Variants in UBXN2B observed in about 807,000 individuals in gnomAD.
The protein encoded by UBXN2B is UBX domain protein 2B, also known as UBX domain-containing protein 2B.
UBXN2B carries 19 observed loss-of-function variants against 37.5 expected under a neutral mutation model. That is an observed-to-expected ratio of 0.51 (90% confidence interval 0.35 to 0.74). The LOEUF is 0.74. UBXN2B is among the 30% of genes least tolerant of loss of function. The probability of loss-of-function intolerance (pLI) is 0.01; values close to 1 mark genes in which losing one functional copy is unlikely to be tolerated. For synonymous variants in UBXN2B, 145 were observed against 143.8 expected, an observed-to-expected ratio of 1.01 and a Z score of -0.06; for missense variants, 370 against 393.2, an observed-to-expected ratio of 0.94 and a Z score of 0.50.
intron 2 of UBXN2B, 111 bp downstream of exon 2, chr8:58,417,064 A>G: frequency 2.4e-6 from 2 of 842,266 alleles, no homozygotes; most frequent in Non-Finnish European, 3.4e-6. Flanking sequence ...ATAATTTTTA[A>G]AAATTATTAT....
chr8:58,439,221 A>C (rs1280363047), intron 5 of UBXN2B, among the ~76,000 whole-genome samples: 1 of 152,200 alleles, frequency 6.6e-6, no homozygotes, highest in Non-Finnish European at 1.5e-5. Context: ...ATAGCAATGC[A>C]AATGGACTAG....
At chr8:58,432,891 T>A (rs534898862) in intron 3 of UBXN2B, among the ~76,000 whole-genome samples, 3 of 151,768 alleles carry the variant, frequency 2.0e-5, no homozygotes, top group Admixed American at 2.0e-4. Flanking sequence ...AAACGTGTCT[T>A]TTTAAAAAAG....
At chr8:58,425,670 C>T in intron 2 of UBXN2B, 13 of 1,172,444 alleles carry the variant, frequency 1.1e-5, no homozygotes, top group Non-Finnish European at 1.7e-5. Context: ...AGCTAATTTG[C>T]TTAGTTCTCG....
chr8:58,425,018 C>A, intron 2 of UBXN2B: 2 of 782,608 alleles, frequency 2.6e-6, no homozygotes, highest in Non-Finnish European at 4.7e-6. Context: ...ACTGGCCTTG[C>A]ATGCATGATG....
chr8:58,438,807 TGGG>T (rs1424362051), intron 5 of UBXN2B, among the ~76,000 whole-genome samples: 1 of 152,106 alleles, frequency 6.6e-6, no homozygotes, highest in Non-Finnish European at 1.5e-5. Context: ...ACATGAGATT[TGGG>T]GGGCCAGTGG....
intron 3 of UBXN2B, among the ~76,000 whole-genome samples, chr8:58,432,376 T>A (rs1028400585): frequency 8.7e-5 from 2 of 23,002 alleles, no homozygotes; most frequent in East Asian, 3.2e-3. Context: ...TCTAAATTTC[T>A]TTTTTTTTTT....
chr8:58,430,760 T>C (rs1310089337), intron 3 of UBXN2B, 91 bp downstream of exon 3: 2 of 993,056 alleles, frequency 2.0e-6, no homozygotes, highest in Non-Finnish European at 2.7e-6. Context: ...TTTTTCTAAT[T>C]GTATATTTCT....
chr8:58,426,375 T>C (rs1808089402), intron 2 of UBXN2B: 2 of 490,894 alleles, frequency 4.1e-6, no homozygotes. Flanking sequence ...CCCGGCTAAT[T>C]TTTTTGTATT....
intron 2 of UBXN2B, among the ~76,000 whole-genome samples, chr8:58,423,334 A>AACCTGCTGACCATATGAGTGGCC (rs1807979108): frequency 1.3e-5 from 2 of 152,176 alleles, no homozygotes; most frequent in Non-Finnish European, 2.9e-5. Context: ...TCTCTCCGCC[A>AACCTGCTGACCATATGAGTGGCC]ACCTGCTGAC....
chr8:58,448,350 T>G lies in UBXN2B; in HGVS notation c.*799T>G, dbSNP rs914344454. 2.6e-5 allele frequency: 4 copies of G among 151,982 alleles called. No homozygotes were observed. Among genetic ancestry groups the G allele is most frequent in the Non-Finnish European group, 5.9e-5 (4 of 67,994 alleles). The allele number at this position is 151,982 out of a possible 1,614,324, so 9.4% of individuals were successfully genotyped here. A position where few individuals can be genotyped will look rare whatever the true frequency, so the allele number is the denominator to read the frequency against. On this transcript the variant is annotated 3_prime_UTR_variant, in exon 8 of 8. Transcript: ENST00000399598. ...CACCATGCCTGGCTAATTTTTGTAC[T>G]TTTGCTAGAGACAGCGTTTCTCTGT...
At chr8:58,421,691 A>T (rs934314251) in intron 2 of UBXN2B, among the ~76,000 whole-genome samples, 3 of 152,168 alleles carry the variant, frequency 2.0e-5, no homozygotes, top group Non-Finnish European at 4.4e-5. Context: ...AGCTTTCTCC[A>T]TCATCCCAGC....
At chr8:58,446,611 G>A (rs1808674400) in intron 7 of UBXN2B, among the ~76,000 whole-genome samples, 1 of 151,690 alleles carries the variant, frequency 6.6e-6, no homozygotes, top group Non-Finnish European at 1.5e-5. Context: ...ATATATTTAT[G>A]ATTTTGGTTG....
At chr8:58,426,025 C>A in intron 2 of UBXN2B, 2 of 1,410,874 alleles carry the variant, frequency 1.4e-6, no homozygotes, top group South Asian at 1.1e-5. Flanking sequence ...AGAGGTGTCC[C>A]TGAAACCACC....
intron 5 of UBXN2B, among the ~76,000 whole-genome samples, chr8:58,437,324 T>TC (rs1332004082): frequency 1.1e-5 from 1 of 95,136 alleles, no homozygotes; most frequent in African/African-American, 3.8e-5. Context: ...ATTTCTTTTT[T>TC]TTTTTTTTTT....
chr8:58,436,414 T>A (rs1254684906), intron 5 of UBXN2B, among the ~76,000 whole-genome samples: 1 of 152,218 alleles, frequency 6.6e-6, no homozygotes, highest in Non-Finnish European at 1.5e-5. Flanking sequence ...ACATGATGAT[T>A]CTTTGGAACC....
intron 5 of UBXN2B, among the ~76,000 whole-genome samples, chr8:58,436,638 A>T (rs927695276): frequency 6.6e-6 from 1 of 152,180 alleles, no homozygotes; most frequent in Non-Finnish European, 1.5e-5. Context: ...TGGATCCCTC[A>T]CAAATGGCTT....
In UBXN2B at chr8:58,447,753, T is replaced by C; in HGVS notation, c.*202T>C. 2 of 431,414 alleles carry C rather than the reference T, an allele frequency of 4.6e-6. No homozygotes were observed. The highest frequency in any genetic ancestry group is 4.0e-5 in the African/African-American group (2 of 50,016). The allele number at this position is 431,414 out of a possible 1,614,324, so 26.7% of individuals were successfully genotyped here. A position where few individuals can be genotyped will look rare whatever the true frequency, so the allele number is the denominator to read the frequency against. ...CCTTGAGATAAGTATGTTTGAGTTT[T>C]TAGTTGAAGGACTGGCTTATGTTGA... is the stretch of plus-strand genomic sequence containing the variant. On this transcript the variant is annotated 3_prime_UTR_variant, in exon 8 of 8. Coordinates refer to ENST00000399598, the MANE Select transcript of UBXN2B (RefSeq NM_001077619.2).
At chr8:58,437,178 G>A (rs958890742) in intron 5 of UBXN2B, among the ~76,000 whole-genome samples, 1 of 152,068 alleles carries the variant, frequency 6.6e-6, no homozygotes, top group Non-Finnish European at 1.5e-5. Flanking sequence ...ATAGAAATGA[G>A]GAAGTTATTG....
At position 58,440,438 on chromosome 8, in the gene UBXN2B, G is replaced by A. The variant is rs896754021; in HGVS notation, c.671+668G>A. On this transcript the variant is annotated intron_variant, in intron 6 of 7. Coordinates refer to ENST00000399598, the MANE Select transcript of UBXN2B (RefSeq NM_001077619.2). ...TAAAACCTGAGCTCCTCTGATTGTCGGTGAAAGAAGGCATTGTATCTGAGA... is the reference window on the plus strand; with the variant it reads ...TAAAACCTGAGCTCCTCTGATTGTCAGTGAAAGAAGGCATTGTATCTGAGA... Among the ~76,000 whole-genome samples, 3 of 152,102 alleles carry A rather than the reference G, an allele frequency of 2.0e-5. 1 individual carries two copies. Among genetic ancestry groups the A allele is most frequent in the South Asian group, 4.2e-4 (2 of 4,808 alleles).
Sources: allele counts gnomAD v4.1 joint callset (sites outside exome capture counted in the v4.1 genomes callset), GRCh38; gene constraint gnomAD v4.1.1; transcripts MANE v1.5; gene names NCBI Gene and HGNC (gene_info 2026-07-23, HGNC 2026-07-21).